GPR176: variants seen among roughly 807,000 people sequenced by gnomAD.
GPR176 encodes the protein G protein-coupled receptor 176.
A neutral mutation model predicts 35.4 loss-of-function variants in GPR176; 26 were observed. That is an observed-to-expected ratio of 0.74 (90% CI 0.54 to 1.02). The LOEUF (loss-of-function observed/expected upper bound fraction) is 1.02. Among genes scored for constraint, GPR176 ranks in the 50% least tolerant of loss-of-function variants. GPR176 has a pLI of 0.00. For synonymous variants in GPR176, 278 were observed against 271.3 expected, an observed-to-expected ratio of 1.02 and a Z score of -0.24; for missense variants, 597 against 665.3, an observed-to-expected ratio of 0.90 and a Z score of 1.13.
At chr15:39,867,317 G>C (rs1029431557) in intron 1 of GPR176, among the ~76,000 whole-genome samples, 1 of 129,016 alleles carries the variant, frequency 7.8e-6, no homozygotes, top group Non-Finnish European at 1.8e-5. Context: ...AGGTGCAATG[G>C]GACCACAGAA....
At chr15:39,833,513 G>T (rs1222972876) in intron 1 of GPR176, among the ~76,000 whole-genome samples, 2 of 152,080 alleles carry the variant, frequency 1.3e-5, no homozygotes, top group African/African-American at 4.8e-5. Context: ...AACTTGGGGG[G>T]ACATGTGGAT....
At chr15:39,873,461 T>C (rs2032124507) in intron 1 of GPR176, among the ~76,000 whole-genome samples, 1 of 152,020 alleles carries the variant, frequency 6.6e-6, no homozygotes, top group African/African-American at 2.4e-5. Flanking sequence ...TGTGCGCAGG[T>C]AGGGATATCA....
At chr15:39,900,455 C>T (rs376399832) in intron 1 of GPR176, among the ~76,000 whole-genome samples, 1 of 152,144 alleles carries the variant, frequency 6.6e-6, no homozygotes, top group African/African-American at 2.4e-5. Context: ...TGAAACAGTA[C>T]ACAAATTAAA....
At chr15:39,835,738 T>A (rs996835705) in intron 1 of GPR176, among the ~76,000 whole-genome samples, 1 of 152,190 alleles carries the variant, frequency 6.6e-6, no homozygotes, top group African/African-American at 2.4e-5. Flanking sequence ...GCATCAGTCA[T>A]GTGACCATAC....
chr15:39,912,543 G>A (rs1321649907), intron 1 of GPR176, among the ~76,000 whole-genome samples: 1 of 151,162 alleles, frequency 6.6e-6, no homozygotes, highest in Non-Finnish European at 1.5e-5. Flanking sequence ...ACCTGAGCCT[G>A]AGAGGTTGAG....
At position 39,831,994 on chromosome 15, in the gene GPR176, GCACACACACA is replaced by G. The variant is rs59388406; in HGVS notation, c.173-24746_173-24737del. On this transcript the variant is annotated intron_variant, in intron 1 of 2. Transcript: ENST00000561100. Reference sequence around the variant, plus strand: ...CCTCTAATATCACACACATGTGCATGCACACACACACACACACACACACACACACACACCA... The same window carrying G: ...CCTCTAATATCACACACATGTGCATGCACACACACACACACACACACACCA... 1.0e-3 allele frequency among the ~76,000 whole-genome samples: 152 copies of G among 146,916 alleles called. 4 individuals are homozygous for G. In the East Asian group the frequency reaches 0.023, roughly 23 times the overall value.
intron 1 of GPR176, among the ~76,000 whole-genome samples, chr15:39,812,750 T>A (rs1446576034): frequency 2.0e-5 from 3 of 151,886 alleles, no homozygotes; most frequent in African/African-American, 4.8e-5. Context: ...GCTTTATTTT[T>A]TTTTTTTTTG....
intron 2 of GPR176, among the ~76,000 whole-genome samples, chr15:39,803,024 A>C (rs1030630768): frequency 2.6e-5 from 4 of 152,236 alleles, no homozygotes; most frequent in African/African-American, 9.6e-5. Context: ...GCACCTAAAC[A>C]GAATTCCAAA....
chr15:39,863,256 T>C (rs1159623983), intron 1 of GPR176, among the ~76,000 whole-genome samples: 4 of 151,802 alleles, frequency 2.6e-5, no homozygotes, highest in Non-Finnish European at 5.9e-5. Flanking sequence ...TTTTTTTTTG[T>C]ATTTTTAGTA....
chr15:39,878,736 A>C (rs1032126365), intron 1 of GPR176, among the ~76,000 whole-genome samples: 9 of 152,196 alleles, frequency 5.9e-5, no homozygotes, highest in African/African-American at 2.2e-4. Flanking sequence ...ATTAATTTAC[A>C]TTCATACCAG....
chr15:39,826,746 T>C (rs1403242152), intron 1 of GPR176, among the ~76,000 whole-genome samples: 2 of 152,224 alleles, frequency 1.3e-5, no homozygotes, highest in African/African-American at 2.4e-5. Flanking sequence ...CTTCAGCTCT[T>C]GCCTGGAGTA....
At chr15:39,878,096 C>CTCTG (rs1555408568) in intron 1 of GPR176, among the ~76,000 whole-genome samples, 1 of 129,934 alleles carries the variant, frequency 7.7e-6, no homozygotes, top group African/African-American at 2.9e-5. Flanking sequence ...CCATAGTTAC[C>CTCTG]TGTGTGTGTG....
At chr15:39,911,182 A>G (rs779777382) in intron 1 of GPR176, among the ~76,000 whole-genome samples, 1 of 152,162 alleles carries the variant, frequency 6.6e-6, no homozygotes, top group Non-Finnish European at 1.5e-5. Flanking sequence ...CAAAAGAAAA[A>G]AAGTGAGTAA....
intron 1 of GPR176, among the ~76,000 whole-genome samples, chr15:39,918,495 TAC>T (rs2033785257): frequency 2.0e-5 from 3 of 152,132 alleles, no homozygotes; most frequent in African/African-American, 4.8e-5. Context: ...GAAATAAAAA[TAC>T]AGTCACTTCT....
intron 1 of GPR176, among the ~76,000 whole-genome samples, chr15:39,860,157 A>C (rs1249312201): frequency 6.6e-6 from 1 of 152,234 alleles, no homozygotes; most frequent in Non-Finnish European, 1.5e-5. Context: ...ATGAATTAAC[A>C]ATGGTGTGAA....
At chr15:39,845,668 G>T (rs1279575009) in intron 1 of GPR176, among the ~76,000 whole-genome samples, 1 of 152,054 alleles carries the variant, frequency 6.6e-6, no homozygotes, top group Admixed American at 6.6e-5. Flanking sequence ...CAGGTGGGAA[G>T]GGCAGGTCTG....
chr15:39,900,105 T>A (rs1283809565), intron 1 of GPR176, among the ~76,000 whole-genome samples: 5 of 152,014 alleles, frequency 3.3e-5, no homozygotes, highest in Non-Finnish European at 7.4e-5. Flanking sequence ...AACATGTTAG[T>A]TAAATTTAGA....
At chr15:39,857,490 C>T (rs557796141) in intron 1 of GPR176, among the ~76,000 whole-genome samples, 2 of 151,600 alleles carry the variant, frequency 1.3e-5, no homozygotes, top group Non-Finnish European at 2.9e-5. Flanking sequence ...GGCAATACAG[C>T]AAAACCCCAT....
intron 1 of GPR176, among the ~76,000 whole-genome samples, chr15:39,902,512 A>C (rs112093361): frequency 0.016 from 2,369 of 152,316 alleles, 66 homozygotes; most frequent in African/African-American, 0.054. Context: ...GGTCATTTGT[A>C]GATTCATTGC....
Sources: gnomAD v4.1 joint callset for allele counts (sites outside exome capture counted in the v4.1 genomes callset) on GRCh38, gnomAD v4.1.1 for gene constraint, MANE v1.5 for transcripts, NCBI Gene and HGNC (gene_info 2026-07-23, HGNC 2026-07-21) for gene names.